ASB5: variants seen among roughly 807,000 people sequenced by gnomAD.
ASB5 encodes the protein ankyrin repeat and SOCS box containing 5, also known as ankyrin repeat and SOCS box protein 5.
Under a neutral mutation model 42.1 loss-of-function variants are expected in ASB5, and 45 were observed. The ratio of observed to expected loss-of-function variants is 1.07; its 90% CI spans 0.84 to 1.37. ASB5 has a LOEUF of 1.37. Ranked by LOEUF, ASB5 falls within the 40% of genes most tolerant of loss-of-function variation. The pLI is 0.00. For missense variants in ASB5, 402 were observed against 399.8 expected (o/e 1.01, Z -0.05); for synonymous variants, 147 against 150.6 (o/e 0.98, Z 0.18).
At chr4:176,224,915 A>T (rs986330888) in intron 2 of ASB5, among the ~76,000 whole-genome samples, 3 of 152,202 alleles carry the variant, frequency 2.0e-5, no homozygotes, top group African/African-American at 7.2e-5. Flanking sequence ...TGGATATGTT[A>T]TTATTGAACT....
intron 1 of ASB5, among the ~76,000 whole-genome samples, chr4:176,261,735 C>T (rs901795607): frequency 1.3e-5 from 2 of 152,190 alleles, no homozygotes; most frequent in Admixed American, 6.5e-5. Context: ...AATTGCAAAA[C>T]TTGACTGTTT....
intron 5 of ASB5, among the ~76,000 whole-genome samples, chr4:176,219,297 TG>T: frequency 9.1e-6 from 1 of 109,386 alleles, no homozygotes; most frequent in Non-Finnish European, 1.7e-5. Context: ...TATATATATT[TG>T]TATGATATAT....
chr4:176,237,026 A>G (rs1445595179), intron 1 of ASB5, among the ~76,000 whole-genome samples: 1 of 152,192 alleles, frequency 6.6e-6, no homozygotes, highest in Non-Finnish European at 1.5e-5. Flanking sequence ...ATACCAACTT[A>G]GAAACACCTG....
At chr4:176,275,135 G>C (rs1423492586) in intron 2 of ASB5, among the ~76,000 whole-genome samples, 1 of 151,970 alleles carries the variant, frequency 6.6e-6, no homozygotes, top group African/African-American at 2.4e-5. Context: ...GGCTGGTCTT[G>C]AACTCCTGAC....
intron 1 of ASB5, 84 bp downstream of exon 1, chr4:176,268,829 G>T: frequency 8.8e-7 from 1 of 1,142,280 alleles, no homozygotes; most frequent in Non-Finnish European, 1.2e-6. Flanking sequence ...TTACCTTGAA[G>T]CAGTCTAAAA....
chr4:176,237,444 A>T (rs1331594511), intron 1 of ASB5: 1 of 985,792 alleles, frequency 1.0e-6, no homozygotes, highest in African/African-American at 1.7e-5. Context: ...TTTGTCTGTG[A>T]CAACCAGGTG....
chr4:176,253,264 A>G (rs534558516), intron 1 of ASB5, among the ~76,000 whole-genome samples: 1 of 152,354 alleles, frequency 6.6e-6, no homozygotes, highest in Non-Finnish European at 1.5e-5. Context: ...TTTATAAAAC[A>G]GATTTTTTAT....
At chr4:176,219,419 A>ATT (rs1243974598) in intron 5 of ASB5, among the ~76,000 whole-genome samples, 30 of 43,502 alleles carry the variant, frequency 6.9e-4, no homozygotes, top group Non-Finnish European at 8.3e-4. Context: ...AAATATATAT[A>ATT]TGTATGATAT....
intron 2 of ASB5, 135 bp downstream of exon 2, chr4:176,225,127 C>T (rs1402298704): frequency 5.0e-6 from 3 of 596,692 alleles, no homozygotes; most frequent in African/African-American, 1.9e-5. Flanking sequence ...AAACTATTGA[C>T]TTCTCTGACA....
intron 5 of ASB5, among the ~76,000 whole-genome samples, chr4:176,219,911 G>C (rs1292169314): frequency 6.6e-6 from 1 of 151,944 alleles, no homozygotes; most frequent in Admixed American, 6.6e-5. Context: ...GCAAAGGAAT[G>C]AAAGGCTCTA....
rs144274025 is a variant in ASB5 at position 176,263,754 on chromosome 4, A to G, written c.196+5159T>C. ...AAGATAACTAATCTCATGCAGAGGT[A>G]ACCAGCAGCACCAAAAGTCACAGGA... On this transcript the variant is annotated intron_variant, in intron 1 of 6. Transcript: ENST00000296525. Among the ~76,000 whole-genome samples, 546 of 152,316 alleles carry G rather than the reference A, an allele frequency of 3.6e-3. 3 individuals carry two copies. The highest frequency in any genetic ancestry group is 0.012 in the African/African-American group (513 of 41,580).
chr4:176,220,220 T>A (rs1753164428), intron 5 of ASB5, among the ~76,000 whole-genome samples: 1 of 152,102 alleles, frequency 6.6e-6, no homozygotes, highest in Non-Finnish European at 1.5e-5. Flanking sequence ...AATAACAATC[T>A]GTCAATGACT....
In ASB5 at chr4:176,269,212, T is replaced by G. The variant is rs1192877399; in HGVS notation, c.-104A>C. ...AACAGCTGGTCCTGAGGAAAGAAAATATCAGCTGGTAGTGATGCCTACAGC... is the reference window on the plus strand; with the variant it reads ...AACAGCTGGTCCTGAGGAAAGAAAAGATCAGCTGGTAGTGATGCCTACAGC... On this transcript the variant is annotated 5_prime_UTR_variant, in exon 1 of 7. Coordinates refer to ENST00000296525, the MANE Select transcript of ASB5 (RefSeq NM_080874.4). 4.9e-6 allele frequency: 5 copies of G among 1,013,470 alleles called. No individual in the cohort carries two copies. The highest frequency in any genetic ancestry group is 3.3e-5 in the African/African-American group (2 of 60,800). The allele number at this position is 1,013,470 out of a possible 1,614,324, so 62.8% of individuals were successfully genotyped here. A position where few individuals can be genotyped will look rare whatever the true frequency, so the allele number is the denominator to read the frequency against.
At chr4:176,218,172 TATAA>T (rs1753028917) in intron 5 of ASB5, among the ~76,000 whole-genome samples, 1 of 92,450 alleles carries the variant, frequency 1.1e-5, no homozygotes, top group East Asian at 2.2e-4. Context: ...TTGTATGATA[TATAA>T]ATATATATAT....
chr4:176,244,106 G>T (rs1355402524), intron 1 of ASB5, among the ~76,000 whole-genome samples: 1 of 151,894 alleles, frequency 6.6e-6, no homozygotes, highest in South Asian at 2.1e-4. Flanking sequence ...ATGTTTCTTT[G>T]CTCACTTTCT....
intron 1 of ASB5, among the ~76,000 whole-genome samples, chr4:176,231,980 T>TC: frequency 6.6e-6 from 1 of 152,236 alleles, no homozygotes; most frequent in Non-Finnish European, 1.5e-5. Context: ...CACCTGCTCT[T>TC]CCTCAGTGTT....
At chr4:176,237,508 T>A (rs911086549) in intron 1 of ASB5, 1 of 985,578 alleles carries the variant, frequency 1.0e-6, no homozygotes, top group African/African-American at 1.7e-5. Context: ...GATTTCTAAC[T>A]ATTTTTTCCT....
At chr4:176,248,753 T>C (rs1183484373) in intron 1 of ASB5, among the ~76,000 whole-genome samples, 1 of 152,184 alleles carries the variant, frequency 6.6e-6, no homozygotes, top group African/African-American at 2.4e-5. Context: ...ATTCAATTAA[T>C]ATAGGGTTCA....
intron 1 of ASB5, 55 bp downstream of exon 1, chr4:176,268,858 G>A: frequency 2.2e-6 from 3 of 1,358,102 alleles, no homozygotes; most frequent in South Asian, 3.4e-5. Context: ...TGTAATTGTG[G>A]ATCAGATGAA....
Sources: gnomAD v4.1 joint callset for allele counts (sites outside exome capture counted in the v4.1 genomes callset) on GRCh38, gnomAD v4.1.1 for gene constraint, MANE v1.5 for transcripts, NCBI Gene and HGNC (gene_info 2026-07-23, HGNC 2026-07-21) for gene names.